The following AGGF1 variants were observed in gnomAD, a reference collection of about 807,000 sequenced individuals.
AGGF1 encodes the protein angiogenic factor with G-patch and FHA domains 1.
In AGGF1, 56 loss-of-function variants were observed where a neutral mutation model predicts 86.5. The observed-to-expected ratio is 0.65, with a 90% confidence interval of 0.52 to 0.81. AGGF1 has a LOEUF of 0.81. AGGF1 is among the 30% of genes least tolerant of loss of function. AGGF1 has a pLI of 0.00. For missense variants in AGGF1, 816 were observed against 850.9 expected (o/e 0.96, Z 0.51); for synonymous variants, 313 against 297.1 (o/e 1.05, Z -0.55).
At chr5:77,038,308 A>G (rs371252059) in intron 4 of AGGF1, among the ~76,000 whole-genome samples, 2 of 152,138 alleles carry the variant, frequency 1.3e-5, no homozygotes, top group South Asian at 2.1e-4. Context: ...TTTCAAGTAG[A>G]CATTAGTCTT....
Position 77,042,402 on chromosome 5 carries a change from C to T in AGGF1, c.870+2683C>T, listed in dbSNP as rs1747111169. Among the ~76,000 whole-genome samples the T allele has an allele frequency of 2.2e-5, 3 of 138,664 alleles. No homozygotes were observed. In the South Asian group the frequency reaches 7.0e-4, roughly 32 times the overall value. 91.0% of individuals were successfully genotyped at this position (138,664 alleles called of 152,430 possible). ...GTAGGGGCGGCCGGGCAGAGGCGCC[C>T]CTCACCTCCCGGACAGGGCGGCTGG... On this transcript the variant is annotated intron_variant, in intron 5 of 13. Coordinates refer to ENST00000312916, the MANE Select transcript of AGGF1 (RefSeq NM_018046.5).
At chr5:77,043,561 G>T (rs1338979282) in intron 5 of AGGF1, among the ~76,000 whole-genome samples, 7 of 140,106 alleles carry the variant, frequency 5.0e-5, no homozygotes, top group Admixed American at 3.5e-4. Context: ...CCTCCCGGAC[G>T]GCACGGCTGG....
intron 6 of AGGF1, 106 bp from the exon 7 acceptor site, chr5:77,048,050 TTAAGA>T: frequency 2.6e-6 from 2 of 770,564 alleles, no homozygotes; most frequent in Non-Finnish European, 2.3e-6. Context: ...TTAGTCAGAA[TTAAGA>T]TTTTTGACCA....
chr5:77,035,905 C>T, intron 3 of AGGF1, 162 bp downstream of exon 3: 2 of 694,976 alleles, frequency 2.9e-6, no homozygotes, highest in Non-Finnish European at 4.8e-6. Flanking sequence ...TTTTCCAAAA[C>T]CAGAATTAGA....
intron 5 of AGGF1, among the ~76,000 whole-genome samples, chr5:77,043,712 T>G (rs1487010584): frequency 3.0e-5 from 4 of 133,268 alleles, no homozygotes; most frequent in South Asian, 2.6e-4. Context: ...ACGGGGTGGC[T>G]GCCGGGCGGA....
chr5:77,063,268 A>AG lies in AGGF1; in HGVS notation c.*16_*17insG, dbSNP rs751492210. On this transcript the variant is annotated 3_prime_UTR_variant, in exon 14 of 14. Coordinates refer to ENST00000312916, the MANE Select transcript of AGGF1 (RefSeq NM_018046.5). ...TTTAGAGTGAAGGCTAATCATAGAA[A>AG]AAAAACCTCTAGTTTTTTTAAAAAT... The AG allele has an allele frequency of 6.2e-7, 1 of 1,608,966 alleles. No homozygotes were observed.
At chr5:77,056,762 G>A (rs1216552689) in intron 11 of AGGF1, among the ~76,000 whole-genome samples, 1 of 151,922 alleles carries the variant, frequency 6.6e-6, no homozygotes, top group African/African-American at 2.4e-5. Flanking sequence ...TTGATAATCT[G>A]TATTTCTTCA....
intron 5 of AGGF1, among the ~76,000 whole-genome samples, chr5:77,044,038 C>A (rs1476227339): frequency 8.5e-6 from 1 of 118,304 alleles, no homozygotes; most frequent in African/African-American, 3.3e-5. Context: ...TGGGAAGAGA[C>A]GCTCCTCACT....
At position 77,030,980 on chromosome 5, in the gene AGGF1, C is replaced by G; in HGVS notation, c.210+4C>G. On this transcript the variant is annotated splice_donor_region_variant and intron_variant, in intron 1 of 13. Coordinates refer to ENST00000312916, the MANE Select transcript of AGGF1 (RefSeq NM_018046.5). Reference sequence around the variant, plus strand: ...CAACCAGGAGCTCCGCACGCAGGTGCGCGGTCCTCCTCAGCCCCGCGCCCC... The same window carrying G: ...CAACCAGGAGCTCCGCACGCAGGTGGGCGGTCCTCCTCAGCCCCGCGCCCC... The G allele has an allele frequency of 6.2e-7, 1 of 1,611,432 alleles. No individual in the cohort carries two copies.
rs1360687099 is a variant in AGGF1, at chr5:77,048,249, T to C, written c.1290T>C (p.Ala430=). The part of the protein sequence containing the change: ...LQIGSLFIIT[A]VNPATIGREK... Reference sequence around the variant, plus strand: ...TAGGATCACTCTTTATCATTACTGCTGTAAACCCTGCTACAATTGGAAGGT... The same window carrying C: ...TAGGATCACTCTTTATCATTACTGCCGTAAACCCTGCTACAATTGGAAGGT... The change falls in exon 7 of 14, where the codon GCT becomes GCC. Residue 430 remains alanine (A), a synonymous_variant. Coordinates refer to ENST00000312916, the MANE Select transcript of AGGF1 (RefSeq NM_018046.5). The C allele has an allele frequency of 3.1e-6, 5 of 1,610,278 alleles. No homozygotes were observed. The highest frequency in any genetic ancestry group is 3.4e-6 in the Non-Finnish European group (4 of 1,176,726).
chr5:77,062,555 C>G (rs968771005), intron 13 of AGGF1, among the ~76,000 whole-genome samples: 4 of 152,124 alleles, frequency 2.6e-5, no homozygotes, highest in South Asian at 2.1e-4. Flanking sequence ...GATAAAGCCC[C>G]TAAGCATTGT....
rs1383068407 is a variant in AGGF1 at position 77,030,754 on chromosome 5, C to G, written c.-13C>G. 4 of 1,559,636 alleles carry G rather than the reference C, an allele frequency of 2.6e-6. No individual in the cohort carries two copies. Among genetic ancestry groups the G allele is most frequent in the African/African-American group, 1.3e-5 (1 of 74,208 alleles). On this transcript the variant is annotated 5_prime_UTR_variant, in exon 1 of 14. Coordinates refer to ENST00000312916, the MANE Select transcript of AGGF1 (RefSeq NM_018046.5). Reference sequence around the variant, plus strand: ...GCCCCTCCGCGGCGACGAGCAGTCTCGCGCCGGAGCTCATGGCCTCGGAGG... The same window carrying G: ...GCCCCTCCGCGGCGACGAGCAGTCTGGCGCCGGAGCTCATGGCCTCGGAGG...
chr5:77,061,181 A>T (rs1747558404), intron 12 of AGGF1, among the ~76,000 whole-genome samples: 1 of 152,210 alleles, frequency 6.6e-6, no homozygotes, highest in Admixed American at 6.5e-5. Flanking sequence ...AGAAATAGGA[A>T]ATTATCAGTA....
At chr5:77,063,018 T>C (rs1287454060) in intron 13 of AGGF1, 34 bp from the exon 14 acceptor site, 1 of 1,612,222 alleles carries the variant, frequency 6.2e-7, no homozygotes. Context: ...GTTTAGACTC[T>C]AAAATAAGTC....
chr5:77,045,764 C>T (rs1388911513), intron 5 of AGGF1, among the ~76,000 whole-genome samples: 2 of 152,130 alleles, frequency 1.3e-5, no homozygotes, highest in African/African-American at 4.8e-5. Context: ...TTCTTTAGGC[C>T]TGCACTATCC....
intron 10 of AGGF1, 58 bp downstream of exon 10, chr5:77,054,188 T>G: frequency 6.2e-7 from 1 of 1,604,352 alleles, no homozygotes; most frequent in Non-Finnish European, 8.5e-7. Context: ...TACCTAAATG[T>G]TCTAAAAAAC....
chr5:77,058,449 T>G (rs1224965081), intron 11 of AGGF1, among the ~76,000 whole-genome samples: 1 of 152,156 alleles, frequency 6.6e-6, no homozygotes, highest in African/African-American at 2.4e-5. Context: ...AAATTGTATC[T>G]TTCGTTGTTG....
intron 5 of AGGF1, among the ~76,000 whole-genome samples, chr5:77,040,185 C>T (rs546323771): frequency 2.0e-5 from 3 of 151,366 alleles, no homozygotes; most frequent in African/African-American, 4.8e-5. Flanking sequence ...CTCAGCTCAC[C>T]GCAACCTCCG....
Position 77,046,396 on chromosome 5 carries a change from G to T in AGGF1, c.920G>T (p.Cys307Phe). The stretch of plus-strand genomic sequence containing the variant: ...GCCTTCAGTGTTGAACATACAAGCT[G>T]CAATGAGGAAGAAAATTTCGCAAAT... ...QKAFSVEHTS[C>F]NEEENFANMK... The change falls in exon 6 of 14, where the codon TGC becomes TTC. Residue 307 changes from cysteine to phenylalanine, a missense_variant. This residue lies in a region of AGGF1 where 565 missense variants were observed against 585.8 expected (regional missense o/e 0.96). Transcript: ENST00000312916. 6.2e-7 allele frequency: 1 copy of T among 1,613,886 alleles called. No homozygotes were observed. The highest frequency in any genetic ancestry group is 1.7e-5 in the Admixed American group (1 of 60,016).
Sources: gnomAD v4.1 joint callset for allele counts (sites outside exome capture counted in the v4.1 genomes callset) on GRCh38, gnomAD v4.1.1 for gene constraint, gnomAD v4.1.1 regional missense constraint, MANE v1.5 for transcripts, NCBI Gene and HGNC (gene_info 2026-07-23, HGNC 2026-07-21) for gene names.